CREB1: variants seen among roughly 807,000 people sequenced by gnomAD.
CREB1 encodes cyclic AMP-responsive element-binding protein 1.
A neutral mutation model predicts 42.0 loss-of-function variants in CREB1; 2 were observed. The observed-to-expected ratio is 0.05, with a 90% CI of 0.02 to 0.15. The LOEUF is 0.15. Among genes scored for constraint, CREB1 ranks in the 10% least tolerant of loss-of-function variants. The probability of loss-of-function intolerance (pLI) is 1.00; values close to 1 mark genes in which losing one functional copy is unlikely to be tolerated. For synonymous variants in CREB1, 123 were observed against 139.9 expected (o/e 0.88, Z 0.85); for missense variants, 199 against 388.9 (o/e 0.51, Z 4.11).
intron 5 of CREB1, among the ~76,000 whole-genome samples, chr2:207,570,600 A>C (rs2082315989): frequency 6.6e-6 from 1 of 152,148 alleles, no homozygotes; most frequent in Non-Finnish European, 1.5e-5. Flanking sequence ...TTTTTGAACC[A>C]CTAATTGAGA....
intron 3 of CREB1, among the ~76,000 whole-genome samples, chr2:207,562,474 TTC>T (rs1169091660): frequency 6.6e-6 from 1 of 152,204 alleles, no homozygotes; most frequent in Non-Finnish European, 1.5e-5. Flanking sequence ...TATAGAAATA[TTC>T]TCTTTTTTTT....
intron 5 of CREB1, among the ~76,000 whole-genome samples, chr2:207,572,316 A>C (rs2082399368): frequency 1.3e-5 from 2 of 152,248 alleles, no homozygotes; most frequent in East Asian, 1.9e-4. Context: ...GTATATGTAC[A>C]CATGGCTTTG....
intron 5 of CREB1, among the ~76,000 whole-genome samples, chr2:207,572,764 C>T (rs1224999913): frequency 1.3e-5 from 2 of 150,956 alleles, no homozygotes; most frequent in African/African-American, 4.9e-5. Flanking sequence ...TGCAGTGAGC[C>T]GAGATAGCGC....
chr2:207,550,920 G>A (rs2081478754), intron 1 of CREB1, among the ~76,000 whole-genome samples: 1 of 152,150 alleles, frequency 6.6e-6, no homozygotes, highest in Non-Finnish European at 1.5e-5. Context: ...TTACTAGAAT[G>A]TAAGCTACAT....
At chr2:207,533,993 C>G (rs777161239) in intron 1 of CREB1, among the ~76,000 whole-genome samples, 3 of 152,148 alleles carry the variant, frequency 2.0e-5, no homozygotes, top group Non-Finnish European at 4.4e-5. Context: ...CATAAGATTG[C>G]GAGATAAACA....
chr2:207,581,689 C>G, intron 7 of CREB1: 1 of 537,868 alleles, frequency 1.9e-6, no homozygotes, highest in South Asian at 2.8e-5. Flanking sequence ...TTTCTCTAAT[C>G]TTAGTATATT....
intron 5 of CREB1, among the ~76,000 whole-genome samples, chr2:207,570,958 CTT>C (rs1186226692): frequency 5.4e-5 from 7 of 129,398 alleles, no homozygotes; most frequent in African/African-American, 1.9e-4. Context: ...TTATAAGACA[CTT>C]TTGAATTTTA....
At chr2:207,537,723 G>A (rs1285383108) in intron 1 of CREB1, among the ~76,000 whole-genome samples, 1 of 152,156 alleles carries the variant, frequency 6.6e-6, no homozygotes, top group Non-Finnish European at 1.5e-5. Context: ...CAGAATGTCT[G>A]ACTCCCCTTA....
intron 7 of CREB1, among the ~76,000 whole-genome samples, chr2:207,586,743 G>T (rs2083912571): frequency 6.6e-6 from 1 of 151,984 alleles, no homozygotes; most frequent in Admixed American, 6.5e-5. Flanking sequence ...TGGACAAAAG[G>T]TCTGAATAGA....
chr2:207,584,819 C>T (rs977690346), intron 7 of CREB1, among the ~76,000 whole-genome samples: 1 of 152,066 alleles, frequency 6.6e-6, no homozygotes, highest in East Asian at 1.9e-4. Flanking sequence ...ACCTTTTTTC[C>T]AAATCCTTTG....
Position 207,536,113 on chromosome 2 carries a change from G to A in CREB1, c.-9+5979G>A, listed in dbSNP as rs1378173533. Reference sequence around the variant, plus strand: ...CAAGCGTGAGCCACCATGCCCGAATGCTGTAGTACATTTTAAATATACATG... The same window carrying A: ...CAAGCGTGAGCCACCATGCCCGAATACTGTAGTACATTTTAAATATACATG... On this transcript the variant is annotated intron_variant, in intron 1 of 7. Transcript: ENST00000353267. 2.0e-5 allele frequency among the ~76,000 whole-genome samples: 3 copies of A among 152,110 alleles called. No homozygotes were observed. In the East Asian group the frequency reaches 5.8e-4, roughly 29 times the overall value.
At chr2:207,548,761 C>T (rs1273569724) in intron 1 of CREB1, among the ~76,000 whole-genome samples, 2 of 151,966 alleles carry the variant, frequency 1.3e-5, no homozygotes, top group African/African-American at 2.4e-5. Flanking sequence ...GCCTGCCTCC[C>T]CCGCTCCCCC....
At chr2:207,560,428 C>G in intron 3 of CREB1, 56 bp downstream of exon 3, 4 of 1,530,288 alleles carry the variant, frequency 2.6e-6, no homozygotes, top group Non-Finnish European at 3.6e-6. Flanking sequence ...ATAGCCATAT[C>G]TCTCTCCTTT....
rs4024317 is a variant in CREB1 at position 207,535,794 on chromosome 2, TTTTA to T, written c.-9+5684_-9+5687del. ...GAAACAGCATTGAGCTACAATACTT[TTTTA>T]TTTATTTATTTATTTATTTATTTTT... On this transcript the variant is annotated intron_variant, in intron 1 of 7. Coordinates refer to ENST00000353267, the MANE Select transcript of CREB1 (RefSeq NM_004379.5). Among the ~76,000 whole-genome samples, 81 of 145,632 alleles carry T rather than the reference TTTTA, an allele frequency of 5.6e-4. 1 individual carries two copies. Among genetic ancestry groups the T allele is most frequent in the Admixed American group, 2.5e-3 (37 of 14,612 alleles).
At chr2:207,549,275 T>C (rs1276067480) in intron 1 of CREB1, among the ~76,000 whole-genome samples, 3 of 152,206 alleles carry the variant, frequency 2.0e-5, no homozygotes, top group Non-Finnish European at 4.4e-5. Flanking sequence ...TCAATGAAAG[T>C]GTGCTATATT....
chr2:207,531,087 G>A (rs528905720), intron 1 of CREB1, among the ~76,000 whole-genome samples: 1 of 152,118 alleles, frequency 6.6e-6, no homozygotes, highest in South Asian at 2.1e-4. Flanking sequence ...AGGGAAGCTG[G>A]TGTTTGAAAA....
At chr2:207,562,253 G>C (rs539059288) in intron 3 of CREB1, among the ~76,000 whole-genome samples, 1 of 152,148 alleles carries the variant, frequency 6.6e-6, no homozygotes, top group Non-Finnish European at 1.5e-5. Context: ...ACATTAATAA[G>C]TCAAATGGCC....
intron 3 of CREB1, among the ~76,000 whole-genome samples, chr2:207,563,335 TA>T (rs1193161293): frequency 1.3e-5 from 2 of 152,200 alleles, no homozygotes; most frequent in Non-Finnish European, 2.9e-5. Context: ...TAGAACTTTG[TA>T]AATTGTTCAG....
intron 2 of CREB1, among the ~76,000 whole-genome samples, chr2:207,556,777 A>G (rs2106460375): frequency 6.6e-6 from 1 of 152,358 alleles, no homozygotes; most frequent in East Asian, 1.9e-4. Flanking sequence ...CAGGACTTCC[A>G]TCAATATAGG....
Sources: gnomAD v4.1 joint callset for allele counts (sites outside exome capture counted in the v4.1 genomes callset) on GRCh38, gnomAD v4.1.1 for gene constraint, MANE v1.5 for transcripts, NCBI Gene and HGNC (gene_info 2026-07-23, HGNC 2026-07-21) for gene names.